ERG: variants seen among roughly 807,000 people sequenced by gnomAD.
ERG encodes transcriptional regulator ERG.
ERG carries 9 observed loss-of-function variants against 55.3 expected under a neutral mutation model. That is an observed-to-expected ratio of 0.16 (90% CI 0.10 to 0.28). The LOEUF (loss-of-function observed/expected upper bound fraction) is 0.28, where lower values mean the gene tolerates loss of function less well. Ranked by LOEUF, ERG falls within the 10% of genes least tolerant of loss-of-function variation. The pLI, the probability that ERG is intolerant of heterozygous loss-of-function variation, is 1.00. For missense variants in ERG, 434 were observed against 631.6 expected (o/e 0.69, Z 3.35); for synonymous variants, 223 against 237.3 (o/e 0.94, Z 0.55).
At chr21:38,646,383 G>C (rs770078967) in intron 1 of ERG, among the ~76,000 whole-genome samples, 8 of 151,980 alleles carry the variant, frequency 5.3e-5, no homozygotes, top group Non-Finnish European at 1.2e-4. Context: ...ACAGGGCATT[G>C]CCATACCATT....
chr21:38,588,315 C>T (rs551691960), upstream of ERG, among the ~76,000 whole-genome samples: 19 of 152,126 alleles, frequency 1.2e-4, no homozygotes, highest in South Asian at 3.9e-3. Context: ...AAGAGACACC[C>T]CCCACCACCA....
Position 38,381,149 on chromosome 21 carries a change from A to C in ERG, c.*2254T>G, listed in dbSNP as rs752241339. The C allele has an allele frequency of 4.6e-5, 49 of 1,065,350 alleles. No individual in the cohort carries two copies. The highest frequency in any genetic ancestry group is 5.3e-5 in the Non-Finnish European group (47 of 879,346). 66.0% of individuals were successfully genotyped at this position (1,065,350 alleles called of 1,614,324 possible). On this transcript the variant is annotated 3_prime_UTR_variant, in exon 10 of 10. Coordinates refer to ENST00000288319, the MANE Select transcript of ERG (RefSeq NM_182918.4). ...CCTGCCGACTTCAAAGCCCACTGCC[A>C]AAACATCCACAGCACAGAGGTTTGG...
At chr21:38,644,313 T>C (rs1025262025) in intron 1 of ERG, among the ~76,000 whole-genome samples, 16 of 143,912 alleles carry the variant, frequency 1.1e-4, no homozygotes, top group African/African-American at 4.2e-4. Flanking sequence ...TATTATAACA[T>C]ACTATAACAA....
At chr21:38,498,551 C>T, upstream of ERG, 1 of 1,334,780 alleles carries the variant, frequency 7.5e-7, no homozygotes, top group African/African-American at 1.5e-5. The surrounding 1 kb of genome is among the most constrained non-coding windows in gnomAD (Gnocchi z 4.6). Context: ...GGCTGTCCAG[C>T]CCAAAGAAAC....
intron 3 of ERG, among the ~76,000 whole-genome samples, chr21:38,416,682 T>C (rs1391139242): frequency 6.6e-6 from 1 of 152,232 alleles, no homozygotes; most frequent in East Asian, 1.9e-4. Flanking sequence ...TATACATGCA[T>C]TTGAGAATAC....
chr21:38,496,688 G>A (rs1387696915), intron 1 of ERG, among the ~76,000 whole-genome samples: 1 of 152,132 alleles, frequency 6.6e-6, no homozygotes, highest in African/African-American at 2.4e-5. Context: ...CCAAAAAAGT[G>A]TTCAGAAAAT....
chr21:38,401,328 T>C (rs1024366302), intron 5 of ERG, among the ~76,000 whole-genome samples: 1 of 152,234 alleles, frequency 6.6e-6, no homozygotes, highest in Non-Finnish European at 1.5e-5. Context: ...AAAATGTGCA[T>C]AGCTCAAAGG....
At chr21:38,573,680 A>G (rs534236167) in intron 2 of ERG, among the ~76,000 whole-genome samples, 26 of 152,294 alleles carry the variant, frequency 1.7e-4, no homozygotes, top group Non-Finnish European at 3.4e-4. Flanking sequence ...CCTTTTTGCT[A>G]AAATAATGAA....
intron 2 of ERG, among the ~76,000 whole-genome samples, chr21:38,572,483 G>T (rs537381585): frequency 7.9e-5 from 12 of 152,010 alleles, no homozygotes; most frequent in African/African-American, 2.9e-4. Context: ...CCCATATCAG[G>T]CATTTTAATG....
chr21:38,423,348 G>A (rs1989636091), intron 3 of ERG, 62 bp downstream of exon 3: 4 of 1,542,724 alleles, frequency 2.6e-6, no homozygotes, highest in Non-Finnish European at 3.5e-6. Context: ...GCTCCCTGAG[G>A]CTCAGCCTAG....
At chr21:38,565,806 C>T (rs2059919388) in intron 2 of ERG, among the ~76,000 whole-genome samples, 1 of 152,192 alleles carries the variant, frequency 6.6e-6, no homozygotes, top group Non-Finnish European at 1.5e-5. Context: ...CCCTTGAGCA[C>T]ATTCTATCTC....
intron 2 of ERG, among the ~76,000 whole-genome samples, chr21:38,528,106 T>C (rs2059643353): frequency 1.3e-5 from 2 of 152,026 alleles, no homozygotes; most frequent in Admixed American, 6.6e-5. Context: ...CCTTGGCTTA[T>C]AGAAGCATCA....
chr21:38,629,948 T>C (rs975362853), intron 1 of ERG, among the ~76,000 whole-genome samples: 14 of 152,120 alleles, frequency 9.2e-5, no homozygotes, highest in African/African-American at 3.4e-4. Context: ...TTATAATCCA[T>C]GTTACAAAAT....
At chr21:38,477,414 A>AT (rs200842702) in intron 1 of ERG, among the ~76,000 whole-genome samples, 56 of 149,618 alleles carry the variant, frequency 3.7e-4, no homozygotes, top group East Asian at 1.2e-3. Context: ...CAGAAGGGAG[A>AT]TTTTTTTTTT....
chr21:38,382,845 G>A lies in ERG; in HGVS notation c.*558C>T. On this transcript the variant is annotated 3_prime_UTR_variant, in exon 10 of 10. Transcript: ENST00000288319. ...AAAGCTGACAGCTGTCCATCAAACG[G>A]AATGTATTTGATTTCAACCAAAACA... 2.8e-6 allele frequency: 3 copies of A among 1,066,298 alleles called. No homozygotes were observed. Among genetic ancestry groups the A allele is most frequent in the Non-Finnish European group, 3.4e-6 (3 of 879,614 alleles). 66.1% of individuals were successfully genotyped at this position (1,066,298 alleles called of 1,614,324 possible).
intron 1 of ERG, among the ~76,000 whole-genome samples, chr21:38,582,804 T>C (rs1224446818): frequency 6.6e-6 from 1 of 152,170 alleles, no homozygotes; most frequent in Non-Finnish European, 1.5e-5. Flanking sequence ...TGGAGCGCAG[T>C]GGCGCAATCT....
chr21:38,446,749 C>T (rs1193416411), intron 1 of ERG, among the ~76,000 whole-genome samples: 1 of 152,072 alleles, frequency 6.6e-6, no homozygotes, highest in African/African-American at 2.4e-5. Flanking sequence ...GTGGGCTGCG[C>T]AGACCCTTCC....
At chr21:38,552,165 G>A (rs78431441) in intron 2 of ERG, among the ~76,000 whole-genome samples, 2,396 of 151,930 alleles carry the variant, frequency 0.016, 63 homozygotes, top group African/African-American at 0.055. Flanking sequence ...GACCAATAAC[G>A]AATTACAAAA....
chr21:38,381,184 A>G lies in ERG; in HGVS notation c.*2219T>C, dbSNP rs1444482130. On this transcript the variant is annotated 3_prime_UTR_variant, in exon 10 of 10. Transcript: ENST00000288319. ...CAGCACAGAGGTTTGGCAACTTCACATAATCATAGCAAAAGGACTGCAACG... is the reference window on the plus strand; with the variant it reads ...CAGCACAGAGGTTTGGCAACTTCACGTAATCATAGCAAAAGGACTGCAACG... The G allele has an allele frequency of 9.4e-6, 10 of 1,065,144 alleles. No individual in the cohort carries two copies. Among genetic ancestry groups the G allele is most frequent in the African/African-American group, 1.6e-5 (1 of 61,088 alleles). 66.0% of individuals were successfully genotyped at this position (1,065,144 alleles called of 1,614,324 possible). A position where few individuals can be genotyped will look rare whatever the true frequency, so the allele number is the denominator to read the frequency against.
Sources: gnomAD v4.1 joint callset for allele counts (sites outside exome capture counted in the v4.1 genomes callset) on GRCh38, gnomAD v4.1.1 for gene constraint, Gnocchi (gnomAD v3.1) non-coding constraint, MANE v1.5 for transcripts, NCBI Gene and HGNC (gene_info 2026-07-23, HGNC 2026-07-21) for gene names.